Variants in PAPPA2 observed in about 807,000 individuals in gnomAD.
PAPPA2 encodes pappalysin-2.
Under a neutral mutation model 176.4 loss-of-function variants are expected in PAPPA2, and 86 were observed. The ratio of observed to expected loss-of-function variants is 0.49; its 90% confidence interval spans 0.41 to 0.58. The LOEUF is 0.58. Ranked by LOEUF, PAPPA2 falls within the 20% of genes least tolerant of loss-of-function variation. PAPPA2 has a pLI of 0.00. For missense variants in PAPPA2, 2,073 were observed against 2,256.9 expected (o/e 0.92, Z 1.65); for synonymous variants, 809 against 852.2 (o/e 0.95, Z 0.88).
chr1:176,698,886 C>G (rs577500276), intron 7 of PAPPA2, among the ~76,000 whole-genome samples: 2 of 152,292 alleles, frequency 1.3e-5, no homozygotes, highest in African/African-American at 4.8e-5. Flanking sequence ...GCTAAGGGCA[C>G]CATGTACAGG....
chr1:176,694,143 C>T (rs746074998), intron 6 of PAPPA2, among the ~76,000 whole-genome samples: 3 of 152,156 alleles, frequency 2.0e-5, no homozygotes, highest in Admixed American at 6.5e-5. Flanking sequence ...GTATTTGGAA[C>T]CCTTATGTCA....
intron 21 of PAPPA2, among the ~76,000 whole-genome samples, chr1:176,817,049 A>G (rs1405853425): frequency 6.6e-6 from 1 of 152,134 alleles, no homozygotes; most frequent in African/African-American, 2.4e-5. Context: ...TCTCCTAGGA[A>G]TCCCCAGTCT....
chr1:176,561,856 C>G (rs1162530062), intron 2 of PAPPA2, among the ~76,000 whole-genome samples: 2 of 152,196 alleles, frequency 1.3e-5, no homozygotes, highest in Non-Finnish European at 2.9e-5. Flanking sequence ...CACAGTTCCA[C>G]ATGGCTGGGG....
In PAPPA2 at chr1:176,595,507, A is replaced by T. The variant is rs1558461276; in HGVS notation, c.1903A>T (p.Met635Leu). The T allele has an allele frequency of 1.4e-5, 23 of 1,614,190 alleles. No homozygotes were observed. Among genetic ancestry groups the T allele is most frequent in the Non-Finnish European group, 1.9e-5 (23 of 1,180,042 alleles). ...GCTCTGTCACGTGGAGTGTAACAAC[A>T]TGCTGAACGACTTTGACGACGGAGA... Reference protein sequence around the residue: ...DGLCHVECNNMLNDFDDGDCC... With the variant: ...DGLCHVECNNLLNDFDDGDCC... The change falls in exon 3 of 23, where the codon ATG becomes TTG. Residue 635 changes from methionine to leucine, a missense_variant. Coordinates refer to ENST00000367662, the MANE Select transcript of PAPPA2 (RefSeq NM_020318.3).
chr1:176,772,231 C>G (rs1664263335), intron 17 of PAPPA2, among the ~76,000 whole-genome samples: 1 of 152,186 alleles, frequency 6.6e-6, no homozygotes, highest in African/African-American at 2.4e-5. Flanking sequence ...AGTAGCTATT[C>G]TTTCTCTACC....
At chr1:176,823,318 T>TCC (rs1317051096) in intron 21 of PAPPA2, among the ~76,000 whole-genome samples, 1 of 152,228 alleles carries the variant, frequency 6.6e-6, no homozygotes, top group Non-Finnish European at 1.5e-5. Flanking sequence ...TAAAGTATTA[T>TCC]TAGTCTGCTC....
intron 3 of PAPPA2, among the ~76,000 whole-genome samples, chr1:176,639,542 C>T (rs1016168155): frequency 2.0e-5 from 3 of 151,910 alleles, no homozygotes; most frequent in Admixed American, 6.6e-5. Context: ...TTCTAAGTTC[C>T]GTCTTTCTTC....
intron 20 of PAPPA2, 21 bp from the exon 21 acceptor site, chr1:176,800,040 T>A: frequency 3.7e-6 from 6 of 1,613,816 alleles, no homozygotes; most frequent in Non-Finnish European, 5.1e-6. Context: ...TGTTTTCTGT[T>A]TTTCCCGTCT....
chr1:176,632,228 G>GTGTGTGTGTGT (rs755065819), intron 3 of PAPPA2, among the ~76,000 whole-genome samples: 1 of 137,772 alleles, frequency 7.3e-6, no homozygotes, highest in Non-Finnish European at 1.5e-5. Flanking sequence ...AATTAGTAGT[G>GTGTGTGTGTGT]ATGTGTGTGT....
At chr1:176,481,328 C>G (rs936650951) in intron 1 of PAPPA2, among the ~76,000 whole-genome samples, 4 of 151,212 alleles carry the variant, frequency 2.6e-5, no homozygotes, top group Non-Finnish European at 5.9e-5. Flanking sequence ...GCAACAGGGC[C>G]ATCGTGCTGT....
intron 4 of PAPPA2, among the ~76,000 whole-genome samples, chr1:176,689,624 A>G (rs184071246): frequency 9.2e-5 from 14 of 152,314 alleles, no homozygotes; most frequent in Admixed American, 9.1e-4. Context: ...TCCAGGAGGT[A>G]AGACGGCTGT....
intron 3 of PAPPA2, among the ~76,000 whole-genome samples, chr1:176,608,898 G>T (rs531466306): frequency 1.3e-5 from 2 of 152,154 alleles, no homozygotes; most frequent in East Asian, 1.9e-4. Flanking sequence ...ATTATTCACC[G>T]GTTTTAGTTG....
At chr1:176,704,042 T>G (rs1382237961) in intron 9 of PAPPA2, among the ~76,000 whole-genome samples, 1 of 152,144 alleles carries the variant, frequency 6.6e-6, no homozygotes, top group African/African-American at 2.4e-5. Flanking sequence ...CAAAACACTC[T>G]GCCCTCTGTC....
At chr1:176,739,806 G>C in intron 13 of PAPPA2, 45 bp downstream of exon 13, 1 of 1,604,016 alleles carries the variant, frequency 6.2e-7, no homozygotes, top group South Asian at 1.1e-5. Flanking sequence ...AGGACAACCC[G>C]GTAGACCCAG....
At chr1:176,625,700 T>C (rs1456135904) in intron 3 of PAPPA2, among the ~76,000 whole-genome samples, 2 of 152,218 alleles carry the variant, frequency 1.3e-5, no homozygotes, top group Non-Finnish European at 2.9e-5. Flanking sequence ...ATTTACTTTT[T>C]ATTATAAAAA....
At chr1:176,697,518 G>C (rs989629122) in intron 7 of PAPPA2, among the ~76,000 whole-genome samples, 43 of 152,136 alleles carry the variant, frequency 2.8e-4, no homozygotes, top group Non-Finnish European at 3.5e-4. Flanking sequence ...ATCTCTAACA[G>C]AGCAGGCACA....
At chr1:176,820,904 G>A (rs1666639091) in intron 21 of PAPPA2, among the ~76,000 whole-genome samples, 1 of 152,182 alleles carries the variant, frequency 6.6e-6, no homozygotes, top group African/African-American at 2.4e-5. Flanking sequence ...TGCATGGGAA[G>A]CATCTTCCCA....
intron 12 of PAPPA2, among the ~76,000 whole-genome samples, chr1:176,717,410 G>T (rs1465032937): frequency 2.0e-5 from 3 of 152,166 alleles, no homozygotes; most frequent in Non-Finnish European, 4.4e-5. Flanking sequence ...AAAACTCCTT[G>T]CCCCTTTTCC....
chr1:176,551,228 A>G lies in PAPPA2; in HGVS notation c.-916-4179A>G, dbSNP rs377210465. ...CCTGAGCCTTGGAGTGAAATCTTTC[A>G]GAGAAGCTCCCTGTTTCCAGCACTA... On this transcript the variant is annotated intron_variant, in intron 1 of 22. Transcript: ENST00000367662. 1.1e-4 allele frequency among the ~76,000 whole-genome samples: 16 copies of G among 152,362 alleles called. No homozygotes were observed. In the East Asian group the frequency reaches 2.9e-3, roughly 28 times the overall value.
Sources: gnomAD v4.1 joint callset for allele counts (sites outside exome capture counted in the v4.1 genomes callset) on GRCh38, gnomAD v4.1.1 for gene constraint, MANE v1.5 for transcripts, NCBI Gene and HGNC (gene_info 2026-07-23, HGNC 2026-07-21) for gene names.